The following WWOX variants were observed in gnomAD, a reference collection of about 807,000 sequenced individuals.
WWOX encodes WW domain-containing oxidoreductase.
In WWOX, 69 loss-of-function variants were observed where a neutral mutation model predicts 46.2. The observed-to-expected ratio is 1.49, with a 90% CI of 1.23 to 1.82. The LOEUF (loss-of-function observed/expected upper bound fraction) is 1.82, where lower values mean the gene tolerates loss of function less well. Ranked by LOEUF, WWOX falls within the 40% of genes most tolerant of loss-of-function variation. The probability of loss-of-function intolerance (pLI) is 0.00; values close to 1 mark genes in which losing one functional copy is unlikely to be tolerated. For synonymous variants in WWOX, 359 were observed against 202.6 expected (o/e 1.77, Z -6.56); for missense variants, 919 against 542.6 (o/e 1.69, Z -6.89).
chr16:78,947,362 T>A (rs2045969455), intron 8 of WWOX, among the ~76,000 whole-genome samples: 1 of 147,232 alleles, frequency 6.8e-6, no homozygotes, highest in Admixed American at 6.8e-5. Context: ...GCTGCATTTG[T>A]TATTTTTCTC....
intron 8 of WWOX, among the ~76,000 whole-genome samples, chr16:78,439,882 G>A (rs1425901900): frequency 1.3e-5 from 2 of 152,156 alleles, no homozygotes; most frequent in Non-Finnish European, 2.9e-5. Flanking sequence ...TATTTGATAA[G>A]GTCTGAAGGC....
chr16:78,425,437 C>T (rs2083053428), intron 7 of WWOX, among the ~76,000 whole-genome samples: 1 of 152,022 alleles, frequency 6.6e-6, no homozygotes, highest in Non-Finnish European at 1.5e-5. Flanking sequence ...TTAGAGCCTG[C>T]GAGATGAAAT....
chr16:78,349,330 C>G (rs545169446), intron 5 of WWOX, among the ~76,000 whole-genome samples: 1 of 120,864 alleles, frequency 8.3e-6, no homozygotes, highest in East Asian at 1.9e-4. Flanking sequence ...CAGTCACATT[C>G]TGAGGTAGTA....
At chr16:78,384,663 C>T (rs1179941902) in intron 5 of WWOX, among the ~76,000 whole-genome samples, 1 of 152,148 alleles carries the variant, frequency 6.6e-6, no homozygotes, top group African/African-American at 2.4e-5. Context: ...GGCGTTTTCC[C>T]CTTTTCCTAG....
At chr16:79,158,837 G>T (rs1232515081) in intron 8 of WWOX, among the ~76,000 whole-genome samples, 1 of 152,160 alleles carries the variant, frequency 6.6e-6, no homozygotes, top group Non-Finnish European at 1.5e-5. Flanking sequence ...CTTGTCATCT[G>T]TATTTTCCCA....
At chr16:79,051,790 C>A (rs574296052) in intron 8 of WWOX, among the ~76,000 whole-genome samples, 7 of 152,176 alleles carry the variant, frequency 4.6e-5, no homozygotes, top group Non-Finnish European at 2.9e-5. Context: ...AATTCAAAGA[C>A]CTGTGCTAAC....
At chr16:78,689,327 C>T (rs1376205890) in intron 8 of WWOX, among the ~76,000 whole-genome samples, 3 of 152,242 alleles carry the variant, frequency 2.0e-5, no homozygotes, top group Admixed American at 6.5e-5. Flanking sequence ...TAGTCCTGCT[C>T]ATGCTCTCTA....
At chr16:78,881,016 A>C (rs1402520520) in intron 8 of WWOX, among the ~76,000 whole-genome samples, 2 of 138,642 alleles carry the variant, frequency 1.4e-5, no homozygotes, top group South Asian at 2.3e-4. Flanking sequence ...TTTTTGAGAC[A>C]AAGTCTCGCC....
At position 79,041,844 on chromosome 16, in the gene WWOX, T is replaced by G. The variant is rs148654962; in HGVS notation, c.1057-169764T>G. On this transcript the variant is annotated intron_variant, in intron 8 of 8. Transcript: ENST00000566780. ...GACAAACCTAGAAGGGATAATAACT[T>G]ACATTCAACCTCTGCTTGCTCTGTC... 5.5e-4 allele frequency among the ~76,000 whole-genome samples: 83 copies of G among 152,274 alleles called. 1 individual carries two copies. The highest frequency in any genetic ancestry group is 1.8e-3 in the African/African-American group (75 of 41,546).
intron 8 of WWOX, among the ~76,000 whole-genome samples, chr16:78,500,435 C>T (rs1213072328): frequency 6.6e-6 from 1 of 150,818 alleles, no homozygotes; most frequent in African/African-American, 2.4e-5. Context: ...TTCCCTTCAT[C>T]TATCTTTGTT....
chr16:78,853,517 C>T (rs575631151), intron 8 of WWOX, among the ~76,000 whole-genome samples: 1 of 152,128 alleles, frequency 6.6e-6, no homozygotes, highest in Non-Finnish European at 1.5e-5. Context: ...ATTCCATAAC[C>T]CGGTGTGCTA....
Position 78,293,926 on chromosome 16 carries a change from G to A in WWOX, c.517-92934G>A, listed in dbSNP as rs531254463. 3.0e-3 allele frequency among the ~76,000 whole-genome samples: 366 copies of A among 123,870 alleles called. 1 individual carries two copies. Among genetic ancestry groups the A allele is most frequent in the African/African-American group, 0.01 (338 of 32,912 alleles). 81.3% of individuals were successfully genotyped at this position (123,870 alleles called of 152,430 possible). ...TGGTAGGCAGAGGTTGCAGTGAGCC[G>A]ATGTCATATCACTGCACTCTAGCCT... is the stretch of plus-strand genomic sequence containing the variant. On this transcript the variant is annotated intron_variant, in intron 5 of 8. Coordinates refer to ENST00000566780, the MANE Select transcript of WWOX (RefSeq NM_016373.4).
chr16:78,405,962 T>C (rs2082521000), intron 6 of WWOX, among the ~76,000 whole-genome samples: 1 of 152,088 alleles, frequency 6.6e-6, no homozygotes, highest in Admixed American at 6.6e-5. Context: ...ACAAAAGAAT[T>C]CTCTTATGCA....
intron 8 of WWOX, among the ~76,000 whole-genome samples, chr16:78,690,632 T>G (rs574564234): frequency 6.6e-6 from 1 of 151,708 alleles, no homozygotes; most frequent in East Asian, 1.9e-4. Context: ...CACATGAATA[T>G]ATTCACAGTT....
chr16:78,434,106 A>G (rs905011489), intron 8 of WWOX, among the ~76,000 whole-genome samples: 15 of 152,088 alleles, frequency 9.9e-5, no homozygotes, highest in African/African-American at 3.4e-4. Context: ...GACTTTTAAA[A>G]CCACATCAAA....
At chr16:78,327,777 T>A (rs538086742) in intron 5 of WWOX, among the ~76,000 whole-genome samples, 143 of 152,248 alleles carry the variant, frequency 9.4e-4, no homozygotes, top group African/African-American at 3.2e-3. Flanking sequence ...CAGTGGTTCT[T>A]TGTACAAAGT....
chr16:78,314,688 GTTT>G (rs375905643), intron 5 of WWOX, among the ~76,000 whole-genome samples: 1 of 90,512 alleles, frequency 1.1e-5, no homozygotes, highest in African/African-American at 4.9e-5. Context: ...CCCTGCAGGG[GTTT>G]TTTTTTTTTG....
chr16:78,290,405 T>C (rs2079842154), intron 5 of WWOX, among the ~76,000 whole-genome samples: 1 of 152,092 alleles, frequency 6.6e-6, no homozygotes, highest in Non-Finnish European at 1.5e-5. Flanking sequence ...GTTTTCTTTG[T>C]GCTTCCTCTG....
At chr16:78,918,289 A>T (rs111325819) in intron 8 of WWOX, among the ~76,000 whole-genome samples, 9 of 152,210 alleles carry the variant, frequency 5.9e-5, no homozygotes, top group African/African-American at 2.2e-4. Context: ...TGGATACATG[A>T]TATTTGTACT....
Sources: allele counts gnomAD v4.1 joint callset (sites outside exome capture counted in the v4.1 genomes callset), GRCh38; gene constraint gnomAD v4.1.1; transcripts MANE v1.5; gene names NCBI Gene and HGNC (gene_info 2026-07-23, HGNC 2026-07-21).